The following TAFA2 variants were observed in gnomAD, a reference collection of about 807,000 sequenced individuals.
TAFA2 encodes the protein TAFA chemokine like family member 2, also known as chemokine-like protein TAFA-2.
Under a neutral mutation model 18.8 loss-of-function variants are expected in TAFA2, and 7 were observed. That is an observed-to-expected ratio of 0.37 (90% CI 0.21 to 0.70). TAFA2 has a LOEUF of 0.70. TAFA2 is among the 30% of genes least tolerant of loss of function. The pLI, the probability that TAFA2 is intolerant of heterozygous loss-of-function variation, is 0.53. For missense variants in TAFA2, 122 were observed against 158.1 expected, an observed-to-expected ratio of 0.77 and a Z score of 1.23; for synonymous variants, 60 against 54.2, an observed-to-expected ratio of 1.11 and a Z score of -0.47.
chr12:61,904,258 A>G (rs1592474034), intron 1 of TAFA2, among the ~76,000 whole-genome samples: 1 of 152,146 alleles, frequency 6.6e-6, no homozygotes, highest in Admixed American at 6.5e-5. Flanking sequence ...AACAATCTCC[A>G]GTATGGAATC....
At chr12:62,255,007 C>T (rs1473839430) in intron 1 of TAFA2, among the ~76,000 whole-genome samples, 1 of 152,186 alleles carries the variant, frequency 6.6e-6, no homozygotes, top group Non-Finnish European at 1.5e-5. Context: ...CTCTCTACTT[C>T]ACTTTGGTAG....
At chr12:61,777,999 C>A (rs76762550) in intron 2 of TAFA2, among the ~76,000 whole-genome samples, 3,731 of 151,786 alleles carry the variant, frequency 0.025, 145 homozygotes, top group African/African-American at 0.085. Context: ...TAACTGGGAG[C>A]TCATTCTTTA....
At chr12:62,031,664 T>A (rs1463459650) in intron 1 of TAFA2, among the ~76,000 whole-genome samples, 1 of 152,168 alleles carries the variant, frequency 6.6e-6, no homozygotes, top group African/African-American at 2.4e-5. Flanking sequence ...GACATTTACC[T>A]GTATATATAT....
intron 1 of TAFA2, among the ~76,000 whole-genome samples, chr12:62,141,607 C>T (rs375185524): frequency 6.6e-6 from 1 of 152,052 alleles, no homozygotes; most frequent in Admixed American, 6.6e-5. Context: ...ATGGTTTTGT[C>T]TTTTTTAGTG....
chr12:62,153,606 G>A (rs2062345264), intron 1 of TAFA2, among the ~76,000 whole-genome samples: 1 of 152,094 alleles, frequency 6.6e-6, no homozygotes, highest in East Asian at 1.9e-4. Flanking sequence ...GGAGTTTGAG[G>A]CCACAGTCAG....
chr12:61,829,836 A>G (rs957501712), intron 2 of TAFA2, among the ~76,000 whole-genome samples: 2 of 151,822 alleles, frequency 1.3e-5, no homozygotes, highest in African/African-American at 4.8e-5. Flanking sequence ...CTAAATATAA[A>G]GAACACAAAG....
intron 1 of TAFA2, among the ~76,000 whole-genome samples, chr12:62,189,218 AAAC>A (rs2062606014): frequency 6.6e-6 from 1 of 152,222 alleles, no homozygotes; most frequent in Non-Finnish European, 1.5e-5. Flanking sequence ...AATCTGAATA[AAAC>A]AACACACTAA....
intron 1 of TAFA2, among the ~76,000 whole-genome samples, chr12:61,869,902 A>C (rs1874522971): frequency 6.6e-6 from 1 of 152,184 alleles, no homozygotes; most frequent in African/African-American, 2.4e-5. Context: ...ATGAACAGCA[A>C]AACTCATCTG....
At chr12:61,829,929 T>C (rs1187001108) in intron 2 of TAFA2, among the ~76,000 whole-genome samples, 1 of 151,796 alleles carries the variant, frequency 6.6e-6, no homozygotes, top group Non-Finnish European at 1.5e-5. Context: ...TAAGCAATTA[T>C]TTTATATCAC....
chr12:61,936,499 T>A (rs528186225), intron 1 of TAFA2, among the ~76,000 whole-genome samples: 2 of 152,118 alleles, frequency 1.3e-5, no homozygotes, highest in East Asian at 1.9e-4. Context: ...ACCCAGGAGA[T>A]GAAGGTTGCA....
chr12:61,848,281 C>A (rs569440446), intron 2 of TAFA2, among the ~76,000 whole-genome samples: 3 of 152,248 alleles, frequency 2.0e-5, no homozygotes, highest in Non-Finnish European at 2.9e-5. Context: ...CTTTAATTTT[C>A]TTTCCCAAGA....
chr12:61,716,387 C>T (rs947864071), intron 4 of TAFA2, among the ~76,000 whole-genome samples: 1 of 152,024 alleles, frequency 6.6e-6, no homozygotes, highest in Non-Finnish European at 1.5e-5. Flanking sequence ...TATTATTATG[C>T]CAAAAAAATG....
At chr12:62,147,552 C>A (rs1325507961) in intron 1 of TAFA2, among the ~76,000 whole-genome samples, 1 of 149,114 alleles carries the variant, frequency 6.7e-6, no homozygotes, top group Non-Finnish European at 1.5e-5. Flanking sequence ...ACACAGTGAA[C>A]CCTTGTCTCT....
chr12:62,022,617 G>A (rs1036822679), intron 1 of TAFA2, among the ~76,000 whole-genome samples: 1 of 152,002 alleles, frequency 6.6e-6, no homozygotes. Context: ...TGTCGAACTG[G>A]GTACTTAAAA....
intron 1 of TAFA2, among the ~76,000 whole-genome samples, chr12:62,123,844 A>G (rs1436618806): frequency 1.3e-5 from 2 of 148,764 alleles, no homozygotes; most frequent in Non-Finnish European, 3.0e-5. Context: ...GTTCTAAACC[A>G]TCAAAATCGC....
chr12:61,855,775 C>T (rs943996954), intron 2 of TAFA2, among the ~76,000 whole-genome samples: 1 of 151,836 alleles, frequency 6.6e-6, no homozygotes, highest in African/African-American at 2.4e-5. Context: ...TGAGGAGAGT[C>T]AACTTAATAT....
chr12:62,095,366 C>T (rs961905823), intron 1 of TAFA2, among the ~76,000 whole-genome samples: 1 of 152,030 alleles, frequency 6.6e-6, no homozygotes, highest in Admixed American at 6.6e-5. Flanking sequence ...TTATTCTAAT[C>T]ATGAGGAAAA....
At chr12:62,145,995 A>T (rs1362994455) in intron 1 of TAFA2, among the ~76,000 whole-genome samples, 1 of 152,196 alleles carries the variant, frequency 6.6e-6, no homozygotes, top group Non-Finnish European at 1.5e-5. Flanking sequence ...CTTCCTTGCC[A>T]TGCCAAATGA....
chr12:61,867,268 T>C, intron 2 of TAFA2, 52 bp downstream of exon 2: 1 of 1,133,668 alleles, frequency 8.8e-7, no homozygotes, highest in East Asian at 2.4e-5. Flanking sequence ...CAGTCTGTGT[T>C]AAGGGTAGTC....
Sources: gnomAD v4.1 joint callset for allele counts (sites outside exome capture counted in the v4.1 genomes callset) on GRCh38, gnomAD v4.1.1 for gene constraint, MANE v1.5 for transcripts, NCBI Gene and HGNC (gene_info 2026-07-23, HGNC 2026-07-21) for gene names.